UBR1: variants seen among roughly 807,000 people sequenced by gnomAD.
UBR1 encodes the protein ubiquitin protein ligase E3 component n-recognin 1.
In UBR1, 102 loss-of-function variants were observed where a neutral mutation model predicts 242.1. The observed-to-expected ratio is 0.42, with a 90% CI of 0.36 to 0.50. The LOEUF (loss-of-function observed/expected upper bound fraction) is 0.50. Ranked by LOEUF, UBR1 falls within the 20% of genes least tolerant of loss-of-function variation. UBR1 has a pLI of 0.01. For missense variants in UBR1, 1,772 were observed against 2,101.8 expected, an observed-to-expected ratio of 0.84 and a Z score of 3.07; for synonymous variants, 675 against 684.8, an observed-to-expected ratio of 0.99 and a Z score of 0.22.
At chr15:43,050,906 T>A (rs2033547130) in intron 12 of UBR1, among the ~76,000 whole-genome samples, 1 of 152,138 alleles carries the variant, frequency 6.6e-6, no homozygotes, top group African/African-American at 2.4e-5. Flanking sequence ...CAATGGCTAC[T>A]ATTAAAAAGT....
At chr15:42,959,632 A>G (rs1229269641) in intron 43 of UBR1, among the ~76,000 whole-genome samples, 2 of 152,222 alleles carry the variant, frequency 1.3e-5, no homozygotes, top group African/African-American at 4.8e-5. Context: ...GTGAATTGAA[A>G]TAAAGGAAAA....
chr15:43,027,960 T>A, intron 21 of UBR1, 132 bp from the exon 22 acceptor site: 1 of 823,156 alleles, frequency 1.2e-6, no homozygotes, highest in Non-Finnish European at 1.9e-6. Flanking sequence ...TTTCCACTAT[T>A]AAAAAATTAG....
chr15:43,104,456 A>G (rs770554012), intron 1 of UBR1, among the ~76,000 whole-genome samples: 2 of 152,168 alleles, frequency 1.3e-5, no homozygotes, highest in Non-Finnish European at 2.9e-5. Context: ...CTCATTCCTT[A>G]TCATCTCAAA....
Position 42,988,901 on chromosome 15 carries a change from T to C in UBR1, c.3915A>G (p.Gly1305=). 1 of 1,613,536 alleles carries C rather than the reference T, an allele frequency of 6.2e-7. No individual in the cohort carries two copies. The highest frequency in any genetic ancestry group is 8.5e-7 in the Non-Finnish European group (1 of 1,179,422). ...CCCTTTCATCAGGTGGCACTTTCAA[T>C]CCAATTCTATAAATTGTTGTGGCAA... The part of the protein sequence containing the change: ...ILFATTIYRI[G]LKVPPDERDP... The change falls in exon 35 of 47, where the codon GGA becomes GGG. Residue 1305 remains glycine (G), a synonymous_variant. Transcript: ENST00000290650.
At chr15:43,081,437 A>AAAAAG in intron 3 of UBR1, among the ~76,000 whole-genome samples, 1 of 151,242 alleles carries the variant, frequency 6.6e-6, no homozygotes, top group East Asian at 1.9e-4. Context: ...AAAAAAAAAA[A>AAAAAG]AAAAGAAAAG....
At chr15:43,007,313 A>G in intron 29 of UBR1, 29 bp from the exon 30 acceptor site, 1 of 1,610,086 alleles carries the variant, frequency 6.2e-7, no homozygotes, top group Non-Finnish European at 8.5e-7. Context: ...AGAAATGAGG[A>G]CACATGTTTT....
intron 25 of UBR1, among the ~76,000 whole-genome samples, chr15:43,024,456 A>T (rs1004884270): frequency 4.6e-5 from 7 of 152,220 alleles, no homozygotes; most frequent in African/African-American, 1.7e-4. Context: ...TTTGCTCCTT[A>T]AATAGGAAGT....
chr15:42,963,621 C>A (rs181155374), intron 42 of UBR1, among the ~76,000 whole-genome samples: 32 of 151,952 alleles, frequency 2.1e-4, no homozygotes, highest in Admixed American at 1.5e-3. Context: ...AATTTGGGTT[C>A]TTTTGATACT....
intron 33 of UBR1, among the ~76,000 whole-genome samples, chr15:42,993,276 C>T (rs1458224525): frequency 6.6e-6 from 1 of 151,990 alleles, no homozygotes; most frequent in East Asian, 1.9e-4. Context: ...CATCTGCCTG[C>T]TAGTCTACTT....
chr15:42,990,025 C>A lies in UBR1; in HGVS notation c.3848+5G>T. On this transcript the variant is annotated splice_donor_5th_base_variant and intron_variant, in intron 34 of 46. Transcript: ENST00000290650. Reference sequence around the variant, plus strand: ...CAAAGTTCTCTTAACTATTTAGATACTTACGAAGACTCAACGCCAAAACTC... The same window carrying A: ...CAAAGTTCTCTTAACTATTTAGATAATTACGAAGACTCAACGCCAAAACTC... 6.2e-7 allele frequency: 1 copy of A among 1,600,324 alleles called. No individual in the cohort carries two copies. The highest frequency in any genetic ancestry group is 8.5e-7 in the Non-Finnish European group (1 of 1,170,012).
At chr15:43,067,282 C>T (rs1211295633) in intron 6 of UBR1, among the ~76,000 whole-genome samples, 2 of 152,038 alleles carry the variant, frequency 1.3e-5, no homozygotes, top group African/African-American at 4.8e-5. Flanking sequence ...ATAAGCTATA[C>T]ATACGAAACA....
chr15:43,017,037 A>G (rs941089860), intron 28 of UBR1, 58 bp downstream of exon 28: 2 of 1,401,512 alleles, frequency 1.4e-6, no homozygotes, highest in Admixed American at 3.4e-5. Flanking sequence ...TTATACCAGT[A>G]AAGTTCAAAG....
At chr15:43,027,065 T>C (rs2033187951) in intron 22 of UBR1, among the ~76,000 whole-genome samples, 1 of 152,110 alleles carries the variant, frequency 6.6e-6, no homozygotes, top group Non-Finnish European at 1.5e-5. Context: ...GGAGACATCA[T>C]AACCTTAGTA....
At chr15:43,042,253 A>T (rs1302188695) in intron 15 of UBR1, among the ~76,000 whole-genome samples, 1 of 152,230 alleles carries the variant, frequency 6.6e-6, no homozygotes, top group African/African-American at 2.4e-5. Context: ...AGCACTATTC[A>T]TAACAGCCAA....
At chr15:42,958,199 T>C (rs2031955190) in intron 43 of UBR1, 109 bp from the exon 44 acceptor site, 1 of 766,354 alleles carries the variant, frequency 1.3e-6, no homozygotes, top group Non-Finnish European at 2.2e-6. Context: ...GATCTACACT[T>C]GCAATCCAAA....
At chr15:42,992,186 T>A (rs1309726653) in intron 33 of UBR1, among the ~76,000 whole-genome samples, 2 of 152,218 alleles carry the variant, frequency 1.3e-5, no homozygotes, top group Non-Finnish European at 2.9e-5. Flanking sequence ...CTTTCAAGAG[T>A]GTTTACCTTC....
chr15:43,025,027 C>A, intron 24 of UBR1, 44 bp from the exon 25 acceptor site: 1 of 1,608,810 alleles, frequency 6.2e-7, no homozygotes, highest in Non-Finnish European at 8.5e-7. Flanking sequence ...CAAACAGGTA[C>A]ATTTTTATTT....
At chr15:42,989,984 T>C in intron 34 of UBR1, 46 bp downstream of exon 34, 1 of 1,412,794 alleles carries the variant, frequency 7.1e-7, no homozygotes, top group Non-Finnish European at 9.9e-7. Context: ...CCTACTCTTA[T>C]TTTCACAATC....
At chr15:43,007,409 A>T in intron 29 of UBR1, 125 bp from the exon 30 acceptor site, 1 of 895,138 alleles carries the variant, frequency 1.1e-6, no homozygotes, top group Non-Finnish European at 1.7e-6. Context: ...AATGATATTT[A>T]GCAATATTAA....
Sources: gnomAD v4.1 joint callset for allele counts (sites outside exome capture counted in the v4.1 genomes callset) on GRCh38, gnomAD v4.1.1 for gene constraint, MANE v1.5 for transcripts, NCBI Gene and HGNC (gene_info 2026-07-23, HGNC 2026-07-21) for gene names.